Variants in UBE4A observed in about 807,000 individuals in gnomAD.
UBE4A encodes ubiquitin conjugation factor E4 A.
Under a neutral mutation model 117.9 loss-of-function variants are expected in UBE4A, and 48 were observed. The ratio of observed to expected loss-of-function variants is 0.41; its 90% CI spans 0.32 to 0.52. The LOEUF is 0.52. Ranked by LOEUF, UBE4A falls within the 20% of genes least tolerant of loss-of-function variation. UBE4A has a pLI of 0.33. For missense variants in UBE4A, 1,067 were observed against 1,296.3 expected (o/e 0.82, Z 2.72); for synonymous variants, 407 against 450.0 (o/e 0.90, Z 1.21).
At chr11:118,391,559 T>G (rs574177968) in intron 18 of UBE4A, among the ~76,000 whole-genome samples, 162 of 147,714 alleles carry the variant, frequency 1.1e-3, no homozygotes, top group African/African-American at 3.7e-3. Context: ...CTTTGGGAGG[T>G]CGAGGCGGGC....
chr11:118,373,308 T>A lies in UBE4A; in HGVS notation c.924+20T>A, dbSNP rs1187547903. 1 of 1,608,596 alleles carries A rather than the reference T, an allele frequency of 6.2e-7. No individual in the cohort carries two copies. Among genetic ancestry groups the A allele is most frequent in the African/African-American group, 1.3e-5 (1 of 74,792 alleles). On this transcript the variant is annotated intron_variant, in intron 7 of 19. Coordinates refer to ENST00000252108, the MANE Select transcript of UBE4A (RefSeq NM_001204077.2). ...GCAAAGGTAGGTCTGAAAGATGATA[T>A]GTATTCAGTTGAGCTAGATGTGTAA...
intron 18 of UBE4A, 135 bp downstream of exon 18, chr11:118,390,939 C>A: frequency 3.6e-6 from 4 of 1,120,108 alleles, no homozygotes; most frequent in Admixed American, 4.6e-5. Context: ...GAGTTTGAAG[C>A]TGCAGTGTGC....
chr11:118,370,670 T>C (rs1450739612), intron 4 of UBE4A, among the ~76,000 whole-genome samples: 1 of 151,972 alleles, frequency 6.6e-6, no homozygotes, highest in Non-Finnish European at 1.5e-5. Flanking sequence ...AAGAAAAGTT[T>C]ATTTAGCTCA....
intron 10 of UBE4A, among the ~76,000 whole-genome samples, chr11:118,376,922 A>G (rs1438139645): frequency 2.6e-5 from 4 of 151,972 alleles, no homozygotes; most frequent in African/African-American, 9.7e-5. Flanking sequence ...GCATGGTGGC[A>G]TATGCTTGTG....
At chr11:118,362,165 A>C (rs1255494505) in intron 1 of UBE4A, among the ~76,000 whole-genome samples, 1 of 152,182 alleles carries the variant, frequency 6.6e-6, no homozygotes, top group African/African-American at 2.4e-5. Flanking sequence ...TCTGTTGCCC[A>C]GGCTGGAGTG....
chr11:118,373,491 C>T lies in UBE4A; in HGVS notation c.925-3C>T, dbSNP rs200152975. On this transcript the variant is annotated splice_polypyrimidine_tract_variant and splice_region_variant and intron_variant, in intron 7 of 19. Transcript: ENST00000252108. ...AATAAGCAGAACTTGTCTTCTCTTA[C>T]AGGTTTTTGTAGAATACATTCAGCC... 76 of 1,608,932 alleles carry T rather than the reference C, an allele frequency of 4.7e-5. No individual in the cohort carries two copies. The Admixed American group carries it at 1.2e-3, about 25-fold the overall frequency.
chr11:118,396,500 GT>G lies in UBE4A; in HGVS notation c.*63del. The G allele has an allele frequency of 6.5e-7, 1 of 1,527,564 alleles. No individual in the cohort carries two copies. The highest frequency in any genetic ancestry group is 8.8e-7 in the Non-Finnish European group (1 of 1,142,548). 94.6% of individuals were successfully genotyped at this position (1,527,564 alleles called of 1,614,324 possible). A position where few individuals can be genotyped will look rare whatever the true frequency, so the allele number is the denominator to read the frequency against. ...GAGTGCAGATAAACAATTGTTTGTG[GT>G]TTCTCTCTTTCTGGTTCTGTTCCTT... On this transcript the variant is annotated 3_prime_UTR_variant, in exon 20 of 20. Coordinates refer to ENST00000252108, the MANE Select transcript of UBE4A (RefSeq NM_001204077.2).
intron 4 of UBE4A, 82 bp from the exon 5 acceptor site, chr11:118,371,432 G>A: frequency 6.9e-7 from 1 of 1,452,846 alleles, no homozygotes; most frequent in Non-Finnish European, 9.3e-7. Context: ...CTAATAACCT[G>A]TGTCAGAATT....
chr11:118,379,180 C>T (rs570948501), intron 10 of UBE4A, among the ~76,000 whole-genome samples: 1 of 152,308 alleles, frequency 6.6e-6, no homozygotes, highest in East Asian at 1.9e-4. Flanking sequence ...CCTACTCAAC[C>T]AAGCTGCCTT....
chr11:118,393,753 A>G (rs1948841961), intron 19 of UBE4A, among the ~76,000 whole-genome samples: 1 of 151,466 alleles, frequency 6.6e-6, no homozygotes, highest in South Asian at 2.1e-4. Flanking sequence ...GCACCACCAC[A>G]TCTGGCTAAT....
chr11:118,384,961 A>AATT lies in UBE4A; in HGVS notation c.2412+17_2412+18insTTA. ...AGCCATACAGGTAAAAAAAAAAAAA[A>AATT]AAAAAAAGATTTAACTTCTCCATAC... is the stretch of plus-strand genomic sequence containing the variant. On this transcript the variant is annotated intron_variant, in intron 15 of 19. Transcript: ENST00000252108. The AATT allele has an allele frequency of 6.4e-7, 1 of 1,565,940 alleles. No homozygotes were observed. Among genetic ancestry groups the AATT allele is most frequent in the Non-Finnish European group, 8.7e-7 (1 of 1,154,842 alleles).
intron 19 of UBE4A, among the ~76,000 whole-genome samples, chr11:118,393,620 G>C (rs1555129012): frequency 6.6e-6 from 1 of 151,276 alleles, no homozygotes; most frequent in African/African-American, 2.4e-5. Context: ...TTTTGCGACA[G>C]AGTCTCGCTC....
intron 5 of UBE4A, 65 bp from the exon 6 acceptor site, chr11:118,372,442 T>G (rs1315431923): frequency 6.6e-7 from 1 of 1,503,768 alleles, no homozygotes; most frequent in Non-Finnish European, 8.9e-7. Flanking sequence ...TTGTATTCAC[T>G]ATGTCTACTT....
In UBE4A at chr11:118,399,189, A is replaced by G. The variant is rs1948902569; in HGVS notation, c.*2749A>G. ...AGTGTTTGTTCAAAACTTGTATTTA[A>G]TAAATGAACATCTGACTTACAACCT... On this transcript the variant is annotated 3_prime_UTR_variant, in exon 20 of 20. Coordinates refer to ENST00000252108, the MANE Select transcript of UBE4A (RefSeq NM_001204077.2). 1 of 377,802 alleles carries G rather than the reference A, an allele frequency of 2.6e-6. No homozygotes were observed. The highest frequency in any genetic ancestry group is 2.9e-5 in the Admixed American group (1 of 34,356). The allele number at this position is 377,802 out of a possible 1,614,324, so 23.4% of individuals were successfully genotyped here.
At chr11:118,396,100 A>T (rs1948869632) in intron 19 of UBE4A, among the ~76,000 whole-genome samples, 1 of 152,018 alleles carries the variant, frequency 6.6e-6, no homozygotes, top group East Asian at 1.9e-4. Context: ...CTCCAAAAAA[A>T]AAAAAAAAAG....
chr11:118,383,588 C>CAAA (rs11375309), intron 13 of UBE4A, among the ~76,000 whole-genome samples: 29 of 54,086 alleles, frequency 5.4e-4, no homozygotes, highest in East Asian at 1.6e-3. Flanking sequence ...AAATCCCTCT[C>CAAA]AAAAAAAAAA....
intron 5 of UBE4A, 133 bp from the exon 6 acceptor site, chr11:118,372,374 A>C (rs1948616432): frequency 2.2e-6 from 2 of 905,164 alleles, no homozygotes; most frequent in African/African-American, 1.7e-5. Flanking sequence ...CCTTAAGCCA[A>C]GGAAGGAATC....
At position 118,399,167 on chromosome 11, in the gene UBE4A, G is replaced by T; in HGVS notation, c.*2727G>T. The T allele has an allele frequency of 2.4e-6, 1 of 411,116 alleles. No individual in the cohort carries two copies. The highest frequency in any genetic ancestry group is 5.0e-6 in the Non-Finnish European group (1 of 199,882). The allele number at this position is 411,116 out of a possible 1,614,324, so 25.5% of individuals were successfully genotyped here. ...CTTCTTGTCAAACTTGCCTGGCAGT[G>T]TTTGTTCAAAACTTGTATTTAATAA... On this transcript the variant is annotated 3_prime_UTR_variant, in exon 20 of 20. Transcript: ENST00000252108.
rs1555125912 is a variant in UBE4A, at chr11:118,379,504, C to T, written c.1630C>T (p.Arg544Trp). Residue 544 changes from arginine to tryptophan, a missense_variant, in exon 11 of 20, where the codon CGG becomes TGG. This residue lies in a region of UBE4A where 1,001 missense variants were observed against 1,184.0 expected (regional missense o/e 0.85). Coordinates refer to ENST00000252108, the MANE Select transcript of UBE4A (RefSeq NM_001204077.2). ...TCTGCATCGGCTGCAGGTTGCCTGGCGGGATGCTCAGCAAAGTTCTAGCCC... is the reference window on the plus strand; with the variant it reads ...TCTGCATCGGCTGCAGGTTGCCTGGTGGGATGCTCAGCAAAGTTCTAGCCC... ...QNLHRLQVAWRDAQQSSSPAA... is the reference protein window; with the variant it reads ...QNLHRLQVAWWDAQQSSSPAA... 2 of 1,614,140 alleles carry T rather than the reference C, an allele frequency of 1.2e-6. No homozygotes were observed. Among genetic ancestry groups the T allele is most frequent in the South Asian group, 1.1e-5 (1 of 91,078 alleles).
Sources: allele counts gnomAD v4.1 joint callset (sites outside exome capture counted in the v4.1 genomes callset), GRCh38; gene constraint gnomAD v4.1.1; regional missense constraint gnomAD v4.1.1; transcripts MANE v1.5; gene names NCBI Gene and HGNC (gene_info 2026-07-23, HGNC 2026-07-21).